The following SPECC1 variants were observed in gnomAD, a reference collection of about 807,000 sequenced individuals.
The protein encoded by SPECC1 is cytospin-B.
SPECC1 carries 62 observed loss-of-function variants against 104.1 expected under a neutral mutation model. The ratio of observed to expected loss-of-function variants is 0.60; its 90% CI spans 0.49 to 0.74. The LOEUF (loss-of-function observed/expected upper bound fraction) is 0.74. SPECC1 is among the 30% of genes least tolerant of loss of function. SPECC1 has a pLI of 0.00. For missense variants in SPECC1, 1,306 were observed against 1,310.5 expected, an observed-to-expected ratio of 1.00 and a Z score of 0.05; for synonymous variants, 513 against 501.6, an observed-to-expected ratio of 1.02 and a Z score of -0.30.
chr17:20,155,274 TA>T (rs2032360745), intron 3 of SPECC1: 2 of 152,014 alleles, frequency 1.3e-5, no homozygotes, highest in African/African-American at 4.8e-5. Context: ...GCGTTAGGAG[TA>T]ATCAGTGGTG....
intron 1 of SPECC1, among the ~76,000 whole-genome samples, chr17:20,058,078 G>T (rs1380279362): frequency 6.6e-6 from 1 of 152,036 alleles, no homozygotes; most frequent in East Asian, 1.9e-4. Flanking sequence ...TAAGATTCAG[G>T]CTGTTCCAGA....
intron 3 of SPECC1, among the ~76,000 whole-genome samples, chr17:20,142,169 A>T (rs2030892159): frequency 6.6e-6 from 1 of 152,240 alleles, no homozygotes; most frequent in Admixed American, 6.5e-5. Context: ...CTAAATTATT[A>T]TTTTGGTTAA....
intron 12 of SPECC1, among the ~76,000 whole-genome samples, chr17:20,269,607 C>G (rs1358360672): frequency 6.6e-6 from 1 of 152,186 alleles, no homozygotes; most frequent in African/African-American, 2.4e-5. Flanking sequence ...CTCCCGACCT[C>G]AGGTGATCTG....
chr17:20,040,398 A>G (rs2045277294), intron 1 of SPECC1, among the ~76,000 whole-genome samples: 1 of 152,102 alleles, frequency 6.6e-6, no homozygotes, highest in African/African-American at 2.4e-5. Flanking sequence ...TTGTAATTAC[A>G]TGTATTTTTG....
At chr17:20,232,432 G>C (rs1475032514) in intron 7 of SPECC1, 27 bp downstream of exon 7, 2 of 1,577,010 alleles carry the variant, frequency 1.3e-6, no homozygotes, top group Admixed American at 3.7e-5. Flanking sequence ...CCAGGGCCGT[G>C]CTTGCTTCTC....
chr17:20,142,032 A>G (rs547931209), intron 3 of SPECC1, among the ~76,000 whole-genome samples: 1 of 152,342 alleles, frequency 6.6e-6, no homozygotes, highest in South Asian at 2.1e-4. Context: ...AGTGTCATGT[A>G]CAAATATTGT....
At chr17:20,115,534 G>A (rs2048714048) in intron 3 of SPECC1, among the ~76,000 whole-genome samples, 1 of 151,776 alleles carries the variant, frequency 6.6e-6, no homozygotes, top group African/African-American at 2.4e-5. Flanking sequence ...TTAGTGCATA[G>A]GATTCAACAA....
chr17:20,160,333 T>G (rs963776950), intron 3 of SPECC1, among the ~76,000 whole-genome samples: 14 of 152,068 alleles, frequency 9.2e-5, no homozygotes, highest in African/African-American at 3.1e-4. Context: ...CTGCCAGCAG[T>G]CGGGAGAGGA....
chr17:20,176,261 C>T (rs1027515638), intron 3 of SPECC1, among the ~76,000 whole-genome samples: 6 of 152,170 alleles, frequency 3.9e-5, no homozygotes, highest in Admixed American at 1.3e-4. Flanking sequence ...AATAAATTAT[C>T]AGAAAATGTT....
intron 3 of SPECC1, chr17:20,126,401 A>T (rs2049308307): frequency 6.6e-6 from 1 of 152,078 alleles, no homozygotes; most frequent in African/African-American, 2.4e-5. Flanking sequence ...CATATGGACT[A>T]TTTCACGACT....
chr17:20,223,191 C>T (rs2037997867), intron 4 of SPECC1, among the ~76,000 whole-genome samples: 1 of 151,852 alleles, frequency 6.6e-6, no homozygotes, highest in South Asian at 2.1e-4. Context: ...TTTTTTTAGA[C>T]TGTTTTGTAG....
At chr17:20,058,343 T>C (rs1277877332) in intron 1 of SPECC1, among the ~76,000 whole-genome samples, 1 of 152,112 alleles carries the variant, frequency 6.6e-6, no homozygotes, top group African/African-American at 2.4e-5. Context: ...TTAAAATGTT[T>C]ATCCAGCTGG....
At chr17:20,238,332 A>AT in intron 7 of SPECC1, 1 of 1,039,912 alleles carries the variant, frequency 9.6e-7, no homozygotes, top group Non-Finnish European at 1.2e-6. Context: ...TCAAAATGTG[A>AT]TTTTAAACTT....
chr17:20,051,116 CTTTCTTTCTT>C (rs2045748676), intron 1 of SPECC1, among the ~76,000 whole-genome samples: 1 of 130,838 alleles, frequency 7.6e-6, no homozygotes, highest in Non-Finnish European at 1.6e-5. Flanking sequence ...TTCTTTCTTT[CTTTCTTTCTT>C]TCTTTCTTTC....
chr17:20,160,134 C>T (rs1029595068), intron 3 of SPECC1, among the ~76,000 whole-genome samples: 4 of 151,760 alleles, frequency 2.6e-5, no homozygotes, highest in Non-Finnish European at 4.4e-5. Context: ...CAGGTGCACT[C>T]TGTATTAGTT....
chr17:20,298,462 G>C (rs1460334213), intron 13 of SPECC1, among the ~76,000 whole-genome samples: 5 of 152,212 alleles, frequency 3.3e-5, no homozygotes, highest in Non-Finnish European at 7.3e-5. Context: ...TGGTTGGCTG[G>C]ATGCAGTTAG....
At position 20,251,224 on chromosome 17, in the gene SPECC1, C is replaced by CAAAA. The variant is rs58071050; in HGVS notation, c.2599-2267_2599-2264dup. On this transcript the variant is annotated intron_variant, in intron 9 of 14. Transcript: ENST00000395527. ...TGGGCGACAGAGTAAGACTCTATCT[C>CAAAA]AAAAAAAAAAAAAAAAAGCATATGG... 1.4e-3 allele frequency among the ~76,000 whole-genome samples: 70 copies of CAAAA among 51,022 alleles called. 5 individuals are homozygous for CAAAA. The highest frequency in any genetic ancestry group is 6.3e-3 in the East Asian group (7 of 1,106). The allele number at this position is 51,022 out of a possible 152,430, so 33.5% of individuals were successfully genotyped here. A position where few individuals can be genotyped will look rare whatever the true frequency, so the allele number is the denominator to read the frequency against.
chr17:20,260,541 G>A (rs770172523), intron 12 of SPECC1, among the ~76,000 whole-genome samples: 6 of 152,240 alleles, frequency 3.9e-5, no homozygotes, highest in Non-Finnish European at 5.9e-5. Context: ...TGCACGCAGA[G>A]CTGCACCTCC....
chr17:20,086,895 T>C (rs1567832878), intron 1 of SPECC1: 1 of 152,220 alleles, frequency 6.6e-6, no homozygotes, highest in Non-Finnish European at 1.5e-5. Flanking sequence ...TCTTGCATTG[T>C]TTCCAGAGGA....
Sources: gnomAD v4.1 joint callset for allele counts (sites outside exome capture counted in the v4.1 genomes callset) on GRCh38, gnomAD v4.1.1 for gene constraint, MANE v1.5 for transcripts, NCBI Gene and HGNC (gene_info 2026-07-23, HGNC 2026-07-21) for gene names.